The following AJUBA variants were observed in gnomAD, a reference collection of about 807,000 sequenced individuals.
AJUBA encodes the protein ajuba LIM protein, also known as LIM domain-containing protein ajuba.
A neutral mutation model predicts 53.3 loss-of-function variants in AJUBA; 20 were observed. That is an observed-to-expected ratio of 0.38 (90% CI 0.26 to 0.55). The LOEUF (loss-of-function observed/expected upper bound fraction) is 0.55. Among genes scored for constraint, AJUBA ranks in the 20% least tolerant of loss-of-function variants. AJUBA has a pLI of 0.80. For synonymous variants in AJUBA, 296 were observed against 306.2 expected (o/e 0.97, Z 0.35); for missense variants, 580 against 730.5 (o/e 0.79, Z 2.38).
chr14:22,976,793 C>A, intron 2 of AJUBA, 81 bp from the exon 3 acceptor site: 1 of 1,558,966 alleles, frequency 6.4e-7, no homozygotes, highest in South Asian at 1.2e-5. Flanking sequence ...CCCGCTGCTG[C>A]ATAATATATT....
At chr14:22,978,524 T>G in intron 1 of AJUBA, 79 bp from the exon 2 acceptor site, 1 of 1,555,282 alleles carries the variant, frequency 6.4e-7, no homozygotes, top group South Asian at 1.2e-5. Context: ...TGCCCTTTCC[T>G]GATGTGCCAG....
Position 22,981,442 on chromosome 14 carries a change from C to A in AJUBA, c.825G>T (p.Arg275=). The A allele has an allele frequency of 6.2e-7, 1 of 1,611,144 alleles. No homozygotes were observed. The highest frequency in any genetic ancestry group is 8.5e-7 in the Non-Finnish European group (1 of 1,179,254). Residue 275 remains arginine (R), a synonymous_variant, in exon 1 of 8, where the codon CGG becomes CGT. Coordinates refer to ENST00000262713, the MANE Select transcript of AJUBA (RefSeq NM_032876.6). ...GCAAAGCTGTTAGCTCGTCCTGGTA[C>A]CGGGCGCCCACGGCGCAGTCCCCGT... ...TGYGDCAVGA[R]YQDELTALLR... is the part of the protein sequence containing the mutation.
chr14:22,976,736 G>A (rs201959157), intron 2 of AJUBA, 24 bp from the exon 3 acceptor site: 626 of 1,612,204 alleles, frequency 3.9e-4, no homozygotes, highest in Non-Finnish European at 4.9e-4. Context: ...AGAAGGGGCT[G>A]GAACCTATCC....
chr14:22,976,777 C>T, intron 2 of AJUBA, 65 bp from the exon 3 acceptor site: 2 of 1,579,380 alleles, frequency 1.3e-6, no homozygotes, highest in East Asian at 2.2e-5. Context: ...TCTGGGGTCA[C>T]TGCTCCCCGC....
rs1350770000 is a variant in AJUBA, at chr14:22,973,260, A to C, written c.*183T>G. The C allele has an allele frequency of 4.3e-6, 4 of 936,634 alleles. No individual in the cohort carries two copies. The Admixed American group carries it at 8.7e-5, about 20-fold the overall frequency. 58.0% of individuals were successfully genotyped at this position (936,634 alleles called of 1,614,324 possible). A position where few individuals can be genotyped will look rare whatever the true frequency, so the allele number is the denominator to read the frequency against. Reference sequence around the variant, plus strand: ...AGTCGCCCCCACCCTGGTAAATATAAGGTTTCTCTTCCACAATCCATTTGG... The same window carrying C: ...AGTCGCCCCCACCCTGGTAAATATACGGTTTCTCTTCCACAATCCATTTGG... On this transcript the variant is annotated 3_prime_UTR_variant, in exon 8 of 8. Coordinates refer to ENST00000262713, the MANE Select transcript of AJUBA (RefSeq NM_032876.6).
At chr14:22,976,583 T>C (rs1248959955) in intron 3 of AJUBA, 62 bp downstream of exon 3, 2 of 1,611,726 alleles carry the variant, frequency 1.2e-6, no homozygotes, top group Non-Finnish European at 8.5e-7. Context: ...GGTACTCCAA[T>C]GGGCCACCAA....
Position 22,974,086 on chromosome 14 carries a change from G to A in AJUBA, c.1452C>T (p.Ser484=). Residue 484 remains serine (S), a synonymous_variant, in exon 7 of 8, where the codon TCC becomes TCT. Coordinates refer to ENST00000262713, the MANE Select transcript of AJUBA (RefSeq NM_032876.6). ...ACTCAAAGTGATAATCCCGGTCCAT[G>A]GATATCACCCTCACGATGTCCTCAC... ...EGCEDIVRVI[S]MDRDYHFECY... 6.2e-7 allele frequency: 1 copy of A among 1,614,070 alleles called. No homozygotes were observed.
At position 22,982,196 on chromosome 14, in the gene AJUBA, C is replaced by T. The variant is rs372110586; in HGVS notation, c.71G>A (p.Arg24Gln). 6.2e-7 allele frequency: 1 copy of T among 1,613,830 alleles called. No individual in the cohort carries two copies. The highest frequency in any genetic ancestry group is 1.3e-5 in the African/African-American group (1 of 74,916). ...CCCGGGGGTCCCGTCAGACCCAGAC[C>T]GGCTAGATTCACCCTTTCTGCGGCC... ...KFGRRKGESSRSGSDGTPGPG... is the reference protein window; with the variant it reads ...KFGRRKGESSQSGSDGTPGPG... Residue 24 changes from arginine to glutamine, a missense_variant, in exon 1 of 8, where the codon CGG becomes CAG. Arg to Gln is a conservative substitution (Grantham distance 43). Transcript: ENST00000262713.
rs1170254037 is a variant in AJUBA at position 22,972,830 on chromosome 14, G to C, written c.*613C>G. On this transcript the variant is annotated 3_prime_UTR_variant, in exon 8 of 8. Coordinates refer to ENST00000262713, the MANE Select transcript of AJUBA (RefSeq NM_032876.6). ...CACCCTAGACTTGCTACCTCTCAGG[G>C]ACATCCCACACTGCATCAACCACAA... is the stretch of plus-strand genomic sequence containing the variant. 6.5e-6 allele frequency: 1 copy of C among 152,878 alleles called. No individual in the cohort carries two copies. Among genetic ancestry groups the C allele is most frequent in the East Asian group, 1.9e-4 (1 of 5,194 alleles). 9.5% of individuals were successfully genotyped at this position (152,878 alleles called of 1,614,324 possible).
chr14:22,982,084 C>A lies in AJUBA; in HGVS notation c.183G>T (p.Leu61Phe). The A allele has an allele frequency of 6.3e-7, 1 of 1,592,894 alleles. No homozygotes were observed. The change falls in exon 1 of 8, where the codon TTG becomes TTT. Residue 61 changes from leucine to phenylalanine, a missense_variant. This residue lies in a region of AJUBA where 430 missense variants were observed against 471.5 expected (regional missense o/e 0.91). Transcript: ENST00000262713. ...GGGAACCTTGCTCCCGGGCCGGCTC[C>A]AACGGCTCATCCCCAGGTCCCCCAG... Reference protein sequence around the residue: ...GATGGPGDEPLEPAREQGSLD... With the variant: ...GATGGPGDEPFEPAREQGSLD...
Position 22,973,212 on chromosome 14 carries a change from A to C in AJUBA, c.*231T>G. 1 of 585,948 alleles carries C rather than the reference A, an allele frequency of 1.7e-6. No homozygotes were observed. The highest frequency in any genetic ancestry group is 3.0e-6 in the Non-Finnish European group (1 of 337,314). The allele number at this position is 585,948 out of a possible 1,614,324, so 36.3% of individuals were successfully genotyped here. ...CCCTCCTGTGTGTGCCTAAGCTCAGACTGCACACATGGGAAAAAGGCCAGT... is the reference window on the plus strand; with the variant it reads ...CCCTCCTGTGTGTGCCTAAGCTCAGCCTGCACACATGGGAAAAAGGCCAGT... On this transcript the variant is annotated 3_prime_UTR_variant, in exon 8 of 8. Coordinates refer to ENST00000262713, the MANE Select transcript of AJUBA (RefSeq NM_032876.6).
chr14:22,973,612 G>A (rs2045005884), intron 7 of AJUBA, 44 bp from the exon 8 acceptor site: 7 of 1,609,892 alleles, frequency 4.3e-6, no homozygotes, highest in Non-Finnish European at 5.9e-6. Context: ...AGGCACCTTG[G>A]ACACTGAGGG....
At chr14:22,977,043 G>A (rs902258551) in intron 2 of AJUBA, 31 of 1,202,524 alleles carry the variant, frequency 2.6e-5, no homozygotes, top group Non-Finnish European at 3.0e-5. Context: ...ACTACGTGCT[G>A]GAATACGTGA....
At chr14:22,978,703 C>A in intron 1 of AJUBA, 1 of 1,265,996 alleles carries the variant, frequency 7.9e-7, no homozygotes, top group Non-Finnish European at 1.0e-6. Context: ...CCTAAGGAAA[C>A]CTGGAGAAAG....
chr14:22,979,111 G>A lies in AJUBA; in HGVS notation c.1007-666C>T. ...GTTGAACAGGAAAGCAGGGAGAGTAGCAGAGCCCCTGATGCCTCCTAGTCA... is the reference window on the plus strand; with the variant it reads ...GTTGAACAGGAAAGCAGGGAGAGTAACAGAGCCCCTGATGCCTCCTAGTCA... On this transcript the variant is annotated intron_variant, in intron 1 of 7. Coordinates refer to ENST00000262713, the MANE Select transcript of AJUBA (RefSeq NM_032876.6). The surrounding 1 kb of genome is among the most constrained non-coding windows in gnomAD (Gnocchi z 4.0). The A allele has an allele frequency of 7.8e-7, 1 of 1,274,276 alleles. No individual in the cohort carries two copies. The highest frequency in any genetic ancestry group is 1.0e-6 in the Non-Finnish European group (1 of 982,040). The allele number at this position is 1,274,276 out of a possible 1,614,324, so 78.9% of individuals were successfully genotyped here.
At chr14:22,974,766 G>GGCA in intron 6 of AJUBA, 73 bp downstream of exon 6, 1 of 1,503,148 alleles carries the variant, frequency 6.7e-7, no homozygotes. Context: ...CAGGAGGCCA[G>GGCA]GCAGCATGTC....
Position 22,974,857 on chromosome 14 carries a change from T to C in AJUBA, c.1404A>G (p.Gln468=). Residue 468 remains glutamine (Q), a synonymous_variant, in exon 6 of 8, where the codon CAA becomes CAG. Coordinates refer to ENST00000262713, the MANE Select transcript of AJUBA (RefSeq NM_032876.6). The stretch of plus-strand genomic sequence containing the variant: ...TACTGACCTCAGAGGGGAGGATGGG[T>C]TGGCCACAGGCTGCACACTTAGGAG... ...NYAPKCAACG[Q]PILPSEGCED... The C allele has an allele frequency of 6.2e-7, 1 of 1,612,954 alleles. No individual in the cohort carries two copies. Among genetic ancestry groups the C allele is most frequent in the Non-Finnish European group, 8.5e-7 (1 of 1,179,830 alleles).
At chr14:22,976,540 A>G in intron 3 of AJUBA, 22 bp from the exon 4 acceptor site, 2 of 1,614,108 alleles carry the variant, frequency 1.2e-6, no homozygotes, top group Non-Finnish European at 1.7e-6. Flanking sequence ...GACAAGACGA[A>G]CGGAGGCTGT....
chr14:22,976,132 G>A (rs1322855987), intron 4 of AJUBA, among the ~76,000 whole-genome samples: 1 of 137,700 alleles, frequency 7.3e-6, no homozygotes, highest in African/African-American at 2.8e-5. Context: ...CACTTTGTCA[G>A]AGCGAGACTC....
Sources: gnomAD v4.1 joint callset for allele counts (sites outside exome capture counted in the v4.1 genomes callset) on GRCh38, gnomAD v4.1.1 for gene constraint, gnomAD v4.1.1 regional missense constraint, Gnocchi (gnomAD v3.1) non-coding constraint, MANE v1.5 for transcripts, NCBI Gene and HGNC (gene_info 2026-07-23, HGNC 2026-07-21) for gene names.